The following TYW1 variants were observed in gnomAD, a reference collection of about 807,000 sequenced individuals.
TYW1 encodes tRNA-yW synthesizing protein 1 homolog.
A neutral mutation model predicts 96.2 loss-of-function variants in TYW1; 46 were observed. The observed-to-expected ratio is 0.48, with a 90% CI of 0.38 to 0.61. The LOEUF is 0.61. Among genes scored for constraint, TYW1 ranks in the 20% least tolerant of loss-of-function variants. The pLI is 0.00. For missense variants in TYW1, 684 were observed against 909.6 expected (o/e 0.75, Z 3.19); for synonymous variants, 274 against 323.0 (o/e 0.85, Z 1.63).
intron 13 of TYW1, among the ~76,000 whole-genome samples, chr7:67,142,841 C>G (rs1221066988): frequency 2.0e-5 from 3 of 152,058 alleles, no homozygotes; most frequent in Non-Finnish European, 4.4e-5. Flanking sequence ...CACCTGAGGT[C>G]AGGAATTCGA....
chr7:67,204,547 T>TCTA (rs1800711134), intron 15 of TYW1, among the ~76,000 whole-genome samples: 1 of 136,306 alleles, frequency 7.3e-6, no homozygotes, highest in Non-Finnish European at 1.5e-5. Flanking sequence ...CTCTTCCTCT[T>TCTA]CTTCTTCTTC....
intron 1 of TYW1, among the ~76,000 whole-genome samples, chr7:66,997,339 T>C (rs13307862): frequency 6.6e-6 from 1 of 151,084 alleles, no homozygotes; most frequent in Non-Finnish European, 1.5e-5. Flanking sequence ...AAAAATGAGG[T>C]GTAAGGTCAG....
intron 14 of TYW1, among the ~76,000 whole-genome samples, chr7:67,185,418 G>T (rs1005143940): frequency 2.0e-5 from 3 of 151,742 alleles, no homozygotes; most frequent in African/African-American, 7.3e-5. Flanking sequence ...AAGGTCAGTG[G>T]GACTAGGGCC....
chr7:67,028,831 A>G (rs1162807060), intron 7 of TYW1, among the ~76,000 whole-genome samples: 2 of 152,176 alleles, frequency 1.3e-5, no homozygotes, highest in African/African-American at 4.8e-5. Context: ...CCACAGGCTT[A>G]TGCATTGCAG....
intron 15 of TYW1, among the ~76,000 whole-genome samples, chr7:67,199,237 A>G (rs1443735110): frequency 6.6e-6 from 1 of 151,850 alleles, no homozygotes; most frequent in South Asian, 2.1e-4. Flanking sequence ...TTTTTGTTTT[A>G]TATTTGCCTG....
intron 10 of TYW1, among the ~76,000 whole-genome samples, chr7:67,070,051 C>G (rs987016070): frequency 1.3e-5 from 2 of 152,182 alleles, no homozygotes; most frequent in African/African-American, 4.8e-5. Context: ...TAAATATGCT[C>G]TCCCACTGCC....
intron 7 of TYW1, among the ~76,000 whole-genome samples, chr7:67,039,739 C>A (rs1794956452): frequency 6.6e-6 from 1 of 151,510 alleles, no homozygotes; most frequent in Admixed American, 6.6e-5. Context: ...TCTCGGCTCA[C>A]TGCAGCCTCT....
intron 13 of TYW1, among the ~76,000 whole-genome samples, chr7:67,122,654 A>G (rs1797793082): frequency 6.6e-6 from 1 of 152,164 alleles, no homozygotes; most frequent in Non-Finnish European, 1.5e-5. Flanking sequence ...ACATCGTGTC[A>G]TAAGTATTTT....
rs931500833 is a variant in TYW1, at chr7:67,013,739, C to CTTT, written c.376-608_376-606dup. 3.8e-3 allele frequency among the ~76,000 whole-genome samples: 373 copies of CTTT among 97,528 alleles called. 7 individuals carry two copies. The highest frequency in any genetic ancestry group is 0.021 in the East Asian group (64 of 3,038). 64.0% of individuals were successfully genotyped at this position (97,528 alleles called of 152,430 possible). A position where few individuals can be genotyped will look rare whatever the true frequency, so the allele number is the denominator to read the frequency against. ...CCTGGCCATCTCTCTGCATTTTTTC[C>CTTT]TTTTTTTTTTTTTTTTTTTTTTGAG... is the stretch of plus-strand genomic sequence containing the variant. On this transcript the variant is annotated intron_variant, in intron 4 of 15. Coordinates refer to ENST00000359626, the MANE Select transcript of TYW1 (RefSeq NM_018264.4).
intron 15 of TYW1, among the ~76,000 whole-genome samples, chr7:67,212,369 A>T (rs35599428): frequency 0.27 from 40,563 of 148,430 alleles, 5,799 homozygotes; most frequent in African/African-American, 0.37. Flanking sequence ...CATTGTGTGG[A>T]TGTACCACAG....
chr7:67,017,768 G>A, intron 5 of TYW1, 85 bp from the exon 6 acceptor site: 1 of 1,521,890 alleles, frequency 6.6e-7, no homozygotes, highest in Admixed American at 2.2e-5. Context: ...AGGGGCCTCG[G>A]AAGGACTTTG....
chr7:67,206,892 C>T (rs1800819126), intron 15 of TYW1, among the ~76,000 whole-genome samples: 1 of 152,142 alleles, frequency 6.6e-6, no homozygotes. Context: ...AGAGAAACAC[C>T]TAATCATTTT....
chr7:67,063,306 A>G (rs1044056661), intron 9 of TYW1, among the ~76,000 whole-genome samples: 2 of 152,244 alleles, frequency 1.3e-5, no homozygotes, highest in African/African-American at 2.4e-5. Context: ...CAAAATTCTT[A>G]CAGCTAACAT....
At chr7:67,185,165 G>A (rs1366537750) in intron 14 of TYW1, among the ~76,000 whole-genome samples, 1 of 152,030 alleles carries the variant, frequency 6.6e-6, no homozygotes, top group African/African-American at 2.4e-5. Flanking sequence ...CAGTGGGCTG[G>A]GGCAGCTTTT....
chr7:67,134,298 T>C (rs546390933), intron 13 of TYW1, among the ~76,000 whole-genome samples: 18 of 152,054 alleles, frequency 1.2e-4, no homozygotes, highest in Non-Finnish European at 2.4e-4. Flanking sequence ...ATCTCAGCAC[T>C]TTTGGAGACT....
intron 15 of TYW1, among the ~76,000 whole-genome samples, chr7:67,207,846 A>G (rs9769387): frequency 0.27 from 40,651 of 150,398 alleles, 5,801 homozygotes; most frequent in African/African-American, 0.36. Context: ...TCAGCCTCCT[A>G]AGTAACTGGG....
chr7:67,180,964 A>C (rs550517958), intron 13 of TYW1, among the ~76,000 whole-genome samples: 1 of 152,118 alleles, frequency 6.6e-6, no homozygotes, highest in East Asian at 1.9e-4. Flanking sequence ...TTTAGCCAGT[A>C]AGAGTAGTGT....
chr7:67,022,778 G>A (rs1584474170), intron 6 of TYW1, among the ~76,000 whole-genome samples: 1 of 152,122 alleles, frequency 6.6e-6, no homozygotes, highest in Admixed American at 6.6e-5. Flanking sequence ...TTATTTCTGG[G>A]AACAATTTAT....
intron 12 of TYW1, among the ~76,000 whole-genome samples, chr7:67,112,071 C>T (rs1327320157): frequency 7.5e-6 from 1 of 133,404 alleles, no homozygotes; most frequent in Admixed American, 8.8e-5. Flanking sequence ...TGCACTCCAG[C>T]CTGGGTGACA....
Sources: allele counts gnomAD v4.1 joint callset (sites outside exome capture counted in the v4.1 genomes callset), GRCh38; gene constraint gnomAD v4.1.1; transcripts MANE v1.5; gene names NCBI Gene and HGNC (gene_info 2026-07-23, HGNC 2026-07-21).